Variants in CFAP61 observed in about 807,000 individuals in gnomAD.
CFAP61 encodes cilia and flagella associated protein 61, also known as cilia- and flagella-associated protein 61.
Under a neutral mutation model 135.6 loss-of-function variants are expected in CFAP61, and 107 were observed. That is an observed-to-expected ratio of 0.79 (90% CI 0.67 to 0.93). CFAP61 has a LOEUF of 0.93. Among genes scored for constraint, CFAP61 ranks in the 40% least tolerant of loss-of-function variants. The pLI is 0.00. For synonymous variants in CFAP61, 575 were observed against 578.5 expected (o/e 0.99, Z 0.09); for missense variants, 1,507 against 1,556.2 (o/e 0.97, Z 0.53).
chr20:20,064,422 C>T lies in CFAP61; in HGVS notation c.144-6432C>T, dbSNP rs1409076967. Among the ~76,000 whole-genome samples, 6 of 152,092 alleles carry T rather than the reference C, an allele frequency of 3.9e-5. No homozygotes were observed. The East Asian group carries it at 1.2e-3, about 29-fold the overall frequency. ...CTTTTCAGCATGTCTGAATTACCAG[C>T]GTCACTACTCTTGCACTTTGAACCA... On this transcript the variant is annotated intron_variant, in intron 2 of 26. Transcript: ENST00000245957.
chr20:20,322,975 A>G, intron 25 of CFAP61: 5 of 985,434 alleles, frequency 5.1e-6, no homozygotes, highest in Non-Finnish European at 6.0e-6. Context: ...TAAAGTTATC[A>G]TAATAATGAC....
intron 13 of CFAP61, among the ~76,000 whole-genome samples, chr20:20,172,683 T>C (rs553381407): frequency 6.6e-6 from 1 of 152,100 alleles, no homozygotes; most frequent in East Asian, 1.9e-4. Flanking sequence ...GTGCAGAGAG[T>C]TCTCACAAGC....
intron 20 of CFAP61, among the ~76,000 whole-genome samples, chr20:20,255,180 C>A (rs571110193): frequency 1.3e-5 from 2 of 152,348 alleles, no homozygotes; most frequent in South Asian, 2.1e-4. Context: ...GCCCTCCAAT[C>A]AATGTTGATC....
chr20:20,142,092 C>A (rs2146750171), intron 8 of CFAP61, among the ~76,000 whole-genome samples: 1 of 152,262 alleles, frequency 6.6e-6, no homozygotes, highest in African/African-American at 2.4e-5. Flanking sequence ...CCAGGTCTCC[C>A]TCTTTAGGCA....
At chr20:20,122,388 C>T (rs190910423) in intron 8 of CFAP61, among the ~76,000 whole-genome samples, 21 of 152,252 alleles carry the variant, frequency 1.4e-4, no homozygotes, top group African/African-American at 4.8e-4. Context: ...AACTGCTGAC[C>T]TCGTGATCTT....
At chr20:20,310,340 A>G (rs1011708854) in intron 25 of CFAP61, among the ~76,000 whole-genome samples, 2 of 152,180 alleles carry the variant, frequency 1.3e-5, no homozygotes, top group Non-Finnish European at 2.9e-5. Context: ...TCTGGTTTTA[A>G]CTAAACTAAC....
At chr20:20,200,733 A>T (rs1222950348) in intron 17 of CFAP61, 1 of 985,310 alleles carries the variant, frequency 1.0e-6, no homozygotes, top group Non-Finnish European at 1.2e-6. Flanking sequence ...TTACCCAAGG[A>T]GCTGCCCCTC....
At chr20:20,080,925 C>G (rs1411321244) in intron 6 of CFAP61, among the ~76,000 whole-genome samples, 1 of 151,812 alleles carries the variant, frequency 6.6e-6, no homozygotes, top group Non-Finnish European at 1.5e-5. Flanking sequence ...TCTCTTGAAC[C>G]TGGGAGGCGG....
chr20:20,278,928 A>G (rs2053978594), intron 22 of CFAP61, among the ~76,000 whole-genome samples: 1 of 152,244 alleles, frequency 6.6e-6, no homozygotes, highest in Non-Finnish European at 1.5e-5. Flanking sequence ...AGTGAAAAAG[A>G]CAGGACAAGT....
chr20:20,115,399 T>G (rs1395415744), intron 8 of CFAP61, among the ~76,000 whole-genome samples: 1 of 151,968 alleles, frequency 6.6e-6, no homozygotes, highest in African/African-American at 2.4e-5. Flanking sequence ...AATTGGGATA[T>G]TCATCACCTT....
At chr20:20,118,489 T>C (rs73605586) in intron 8 of CFAP61, among the ~76,000 whole-genome samples, 14,807 of 151,596 alleles carry the variant, frequency 0.098, 1,515 homozygotes, top group East Asian at 0.59. Flanking sequence ...TACAGGTGCC[T>C]GCCACCACTC....
chr20:20,133,138 A>G (rs551910264), intron 8 of CFAP61, among the ~76,000 whole-genome samples: 72 of 152,332 alleles, frequency 4.7e-4, no homozygotes, highest in African/African-American at 1.5e-3. Context: ...TCAAAGAATC[A>G]GCCTCAAGAT....
At position 20,133,840 on chromosome 20, in the gene CFAP61, C is replaced by T. The variant is rs151329888; in HGVS notation, c.860-9017C>T. ...AGCTCAAGTTTATTGTACTGGTTGGCCTGGAGTCTACACCACATCCCAGGT... is the reference window on the plus strand; with the variant it reads ...AGCTCAAGTTTATTGTACTGGTTGGTCTGGAGTCTACACCACATCCCAGGT... On this transcript the variant is annotated intron_variant, in intron 8 of 26. Transcript: ENST00000245957. 2.3e-3 allele frequency among the ~76,000 whole-genome samples: 353 copies of T among 151,522 alleles called. 3 individuals are homozygous for T. The highest frequency in any genetic ancestry group is 8.2e-3 in the African/African-American group (340 of 41,282).
chr20:20,112,283 C>T (rs1468210644), intron 8 of CFAP61, among the ~76,000 whole-genome samples: 2 of 151,978 alleles, frequency 1.3e-5, no homozygotes, highest in Admixed American at 6.6e-5. Flanking sequence ...CACATCATAG[C>T]GTGGGCATTG....
intron 6 of CFAP61, among the ~76,000 whole-genome samples, chr20:20,078,754 G>T (rs1239363006): frequency 1.3e-5 from 2 of 152,126 alleles, no homozygotes; most frequent in East Asian, 3.9e-4. Flanking sequence ...TCATAAAGTG[G>T]CAAAAGATGC....
chr20:20,196,888 G>A (rs2056331523), intron 16 of CFAP61, 112 bp downstream of exon 16: 2 of 932,098 alleles, frequency 2.1e-6, no homozygotes, highest in Non-Finnish European at 1.7e-6. Context: ...TGATAACATG[G>A]GTCTGAATTT....
chr20:20,104,707 A>G (rs1169008126), intron 8 of CFAP61, among the ~76,000 whole-genome samples: 2 of 152,212 alleles, frequency 1.3e-5, no homozygotes, highest in African/African-American at 4.8e-5. Flanking sequence ...ACAAAGTGCC[A>G]CAGACTGGGT....
At chr20:20,211,996 A>T (rs937471164) in intron 17 of CFAP61, among the ~76,000 whole-genome samples, 6 of 152,196 alleles carry the variant, frequency 3.9e-5, no homozygotes, top group Non-Finnish European at 8.8e-5. Flanking sequence ...TCTGTCACAA[A>T]TCACAGTTGA....
At chr20:20,338,528 G>A (rs2058324275) in intron 25 of CFAP61, among the ~76,000 whole-genome samples, 1 of 152,210 alleles carries the variant, frequency 6.6e-6, no homozygotes, top group East Asian at 1.9e-4. Context: ...GTGCATAGTT[G>A]AGCGCGGACC....
Sources: allele counts gnomAD v4.1 joint callset (sites outside exome capture counted in the v4.1 genomes callset), GRCh38; gene constraint gnomAD v4.1.1; transcripts MANE v1.5; gene names NCBI Gene and HGNC (gene_info 2026-07-23, HGNC 2026-07-21).